The following DPP6 variants were observed in gnomAD, a reference collection of about 807,000 sequenced individuals.
The protein encoded by DPP6 is dipeptidyl peptidase like 6.
DPP6 carries 69 observed loss-of-function variants against 122.6 expected under a neutral mutation model. The ratio of observed to expected loss-of-function variants is 0.56; its 90% CI spans 0.46 to 0.69. The LOEUF is 0.69. DPP6 is among the 30% of genes least tolerant of loss of function. The probability of loss-of-function intolerance (pLI) is 0.00; values close to 1 mark genes in which losing one functional copy is unlikely to be tolerated. For synonymous variants in DPP6, 418 were observed against 433.1 expected (o/e 0.97, Z 0.43); for missense variants, 928 against 1,116.9 (o/e 0.83, Z 2.41).
intron 1 of DPP6, among the ~76,000 whole-genome samples, chr7:154,351,990 T>C (rs1185541316): frequency 2.0e-5 from 3 of 152,038 alleles, no homozygotes; most frequent in African/African-American, 7.2e-5. Flanking sequence ...AGCCTGCTCC[T>C]ATAGCAATGC....
the DPP6 span, among the ~76,000 whole-genome samples, chr7:153,828,249 G>T: frequency 6.6e-5 from 10 of 152,206 alleles, no homozygotes; most frequent in Non-Finnish European, 1.5e-4. Flanking sequence ...CCCAGGGGTA[G>T]GGCAGTGGAG....
chr7:154,323,680 A>C lies in DPP6; in HGVS notation c.244-122534A>C, dbSNP rs150523111. On this transcript the variant is annotated intron_variant, in intron 1 of 25. Coordinates refer to ENST00000377770, the MANE Select transcript of DPP6 (RefSeq NM_130797.4). Reference sequence around the variant, plus strand: ...TGTCTCTGAGCCATTTGAGCTTGCTATTTTTACAGATTTCAGCCTTAGTTC... The same window carrying C: ...TGTCTCTGAGCCATTTGAGCTTGCTCTTTTTACAGATTTCAGCCTTAGTTC... 4.6e-4 allele frequency among the ~76,000 whole-genome samples: 70 copies of C among 152,238 alleles called. 1 individual carries two copies. Among genetic ancestry groups the C allele is most frequent in the African/African-American group, 1.5e-3 (62 of 41,546 alleles).
the DPP6 span, among the ~76,000 whole-genome samples, chr7:153,825,721 G>A: frequency 4.6e-5 from 7 of 151,982 alleles, no homozygotes; most frequent in Non-Finnish European, 7.4e-5. Context: ...CACAACGCCC[G>A]GCAAATTTTT....
At chr7:153,887,374 A>T in exon 1 of DPP6, 1 of 250,456 alleles carries the variant, frequency 4.0e-6, no homozygotes, top group East Asian at 7.7e-5. Flanking sequence ...CTGGGCTCGC[A>T]GCCTCTTCCT....
At chr7:154,642,478 T>A (rs1836167119) in intron 6 of DPP6, among the ~76,000 whole-genome samples, 1 of 151,912 alleles carries the variant, frequency 6.6e-6, no homozygotes, top group African/African-American at 2.4e-5. Context: ...TAATCCCAGC[T>A]ACTCAGGAGG....
intron 1 of DPP6, among the ~76,000 whole-genome samples, chr7:154,414,203 A>T (rs970027917): frequency 3.3e-5 from 5 of 152,208 alleles, no homozygotes; most frequent in Admixed American, 2.6e-4. Context: ...AATTTGGCTC[A>T]TGAATGTTAC....
chr7:154,415,038 C>T (rs1020246932), intron 1 of DPP6, among the ~76,000 whole-genome samples: 2 of 152,170 alleles, frequency 1.3e-5, no homozygotes, highest in East Asian at 3.9e-4. Flanking sequence ...GGCCTTTGTC[C>T]ATACCAACAA....
At chr7:154,265,078 G>GATA in intron 1 of DPP6, among the ~76,000 whole-genome samples, 1 of 2,542 alleles carries the variant, frequency 3.9e-4, no homozygotes, top group African/African-American at 4.9e-4. Context: ...TAATGGTGAT[G>GATA]ATGATGGTGA....
intron 7 of DPP6, among the ~76,000 whole-genome samples, chr7:154,716,600 T>C (rs527249363): frequency 1.3e-5 from 2 of 152,278 alleles, no homozygotes; most frequent in African/African-American, 2.4e-5. Flanking sequence ...GCATGCCTGA[T>C]CAAATGTGGT....
rs202108929 is a variant in DPP6 at position 154,603,710 on chromosome 7, CTTCTT to C, written c.628-34108_628-34104del. Among the ~76,000 whole-genome samples the C allele has an allele frequency of 8.1e-3, 768 of 95,370 alleles. 120 individuals are homozygous for C. Among genetic ancestry groups the C allele is most frequent in the African/African-American group, 0.023 (732 of 31,434 alleles). The allele number at this position is 95,370 out of a possible 152,430, so 62.6% of individuals were successfully genotyped here. A position where few individuals can be genotyped will look rare whatever the true frequency, so the allele number is the denominator to read the frequency against. ...TATTTCAGGCTCTGGACTCTCTGTTCTTCTTTTATTTACTTATTTACTTTTTCTTC... is the reference window on the plus strand; with the variant it reads ...TATTTCAGGCTCTGGACTCTCTGTTCTTATTTACTTATTTACTTTTTCTTC... On this transcript the variant is annotated intron_variant, in intron 5 of 25. Transcript: ENST00000377770.
At chr7:154,063,753 G>C (rs932970625) in intron 1 of DPP6, among the ~76,000 whole-genome samples, 4 of 151,046 alleles carry the variant, frequency 2.6e-5, no homozygotes, top group Non-Finnish European at 4.4e-5. Context: ...GACCCCCGTC[G>C]TGGATCCTCA....
At chr7:154,238,804 A>G (rs1018714733) in intron 1 of DPP6, among the ~76,000 whole-genome samples, 1 of 152,252 alleles carries the variant, frequency 6.6e-6, no homozygotes, top group African/African-American at 2.4e-5. Flanking sequence ...GACAAATACT[A>G]CTATCCCAGT....
chr7:154,052,015 C>A (rs576773470), upstream of DPP6, among the ~76,000 whole-genome samples: 1 of 151,240 alleles, frequency 6.6e-6, no homozygotes, highest in African/African-American at 2.4e-5. The surrounding 1 kb of genome is among the most constrained non-coding windows in gnomAD (Gnocchi z 4.8). Flanking sequence ...GCGTGCGTGG[C>A]TGGGGCGCCC....
intron 5 of DPP6, among the ~76,000 whole-genome samples, chr7:154,633,483 G>A (rs927891005): frequency 4.2e-4 from 64 of 152,230 alleles, no homozygotes; most frequent in African/African-American, 1.3e-3. Flanking sequence ...TGATCCACCC[G>A]CCTCAGCCTC....
chr7:153,903,343 C>T lies in DPP6; in HGVS notation c.51+15609C>T, dbSNP rs187427474. Reference sequence around the variant, plus strand: ...GCCTGCCACTCAGAAGCCTTTCTTCCAAGAGTTGTTTATTCACTGCTTAGC... The same window carrying T: ...GCCTGCCACTCAGAAGCCTTTCTTCTAAGAGTTGTTTATTCACTGCTTAGC... On this transcript the variant is annotated intron_variant, in intron 1 of 25. Coordinates refer to the DPP6 transcript ENST00000404039. 1.9e-3 allele frequency among the ~76,000 whole-genome samples: 287 copies of T among 152,296 alleles called. 1 individual carries two copies. Among genetic ancestry groups the T allele is most frequent in the Non-Finnish European group, 1.8e-3 (123 of 68,030 alleles).
the DPP6 span, among the ~76,000 whole-genome samples, chr7:153,820,178 A>G: frequency 6.6e-6 from 1 of 152,200 alleles, no homozygotes; most frequent in Non-Finnish European, 1.5e-5. Context: ...CAATAGTACA[A>G]GCCTCAACAT....
intron 6 of DPP6, among the ~76,000 whole-genome samples, chr7:154,667,377 C>T (rs561291800): frequency 7.9e-5 from 12 of 152,312 alleles, no homozygotes; most frequent in African/African-American, 2.9e-4. Context: ...CTTTTCTCTA[C>T]ACCAGGGTTC....
At chr7:154,063,744 A>G (rs1461980843) in intron 1 of DPP6, among the ~76,000 whole-genome samples, 83 of 150,160 alleles carry the variant, frequency 5.5e-4, no homozygotes, top group Non-Finnish European at 8.9e-5. Context: ...CCGGCTTAGG[A>G]CCCCCGTCGT....
chr7:154,023,909 G>A (rs3852280), intron 1 of DPP6, among the ~76,000 whole-genome samples: 37,027 of 151,888 alleles, frequency 0.24, 5,328 homozygotes, highest in African/African-American at 0.41. Context: ...TCTCTGTTAA[G>A]AATAAATTCA....
Sources: allele counts gnomAD v4.1 joint callset (sites outside exome capture counted in the v4.1 genomes callset), GRCh38; gene constraint gnomAD v4.1.1; non-coding constraint Gnocchi (gnomAD v3.1); transcripts MANE v1.5; gene names NCBI Gene and HGNC (gene_info 2026-07-23, HGNC 2026-07-21).